PSPC1: variants seen among roughly 807,000 people sequenced by gnomAD.
The protein encoded by PSPC1 is paraspeckle protein 1.
Under a neutral mutation model 51.6 loss-of-function variants are expected in PSPC1, and 14 were observed. That is an observed-to-expected ratio of 0.27 (90% confidence interval 0.18 to 0.42). The LOEUF (loss-of-function observed/expected upper bound fraction) is 0.42. Ranked by LOEUF, PSPC1 falls within the 10% of genes least tolerant of loss-of-function variation. The pLI, the probability that PSPC1 is intolerant of heterozygous loss-of-function variation, is 1.00. For missense variants in PSPC1, 406 were observed against 701.1 expected, an observed-to-expected ratio of 0.58 and a Z score of 4.75; for synonymous variants, 193 against 231.9, an observed-to-expected ratio of 0.83 and a Z score of 1.53.
chr13:19,736,746 T>C (rs777249288), intron 5 of PSPC1, among the ~76,000 whole-genome samples: 2 of 152,142 alleles, frequency 1.3e-5, no homozygotes, highest in African/African-American at 4.8e-5. Flanking sequence ...TCTCAGCCTA[T>C]GATTAAATCA....
chr13:19,730,953 A>AAC (rs1402807104), intron 5 of PSPC1, among the ~76,000 whole-genome samples: 5 of 36,928 alleles, frequency 1.4e-4, no homozygotes, highest in South Asian at 1.1e-3. Flanking sequence ...TCAGAAAAAA[A>AAC]AAACAAAAAA....
chr13:19,699,688 A>AGCCT (rs1418252727), downstream of PSPC1, among the ~76,000 whole-genome samples: 1 of 83,692 alleles, frequency 1.2e-5, no homozygotes, highest in Non-Finnish European at 3.3e-5. Flanking sequence ...AGTAACATCA[A>AGCCT]GCCTGCTACT....
At chr13:19,772,192 G>A in intron 2 of PSPC1, 50 bp downstream of exon 2, 1 of 1,549,644 alleles carries the variant, frequency 6.5e-7, no homozygotes, top group South Asian at 1.2e-5. Flanking sequence ...AAAACAGAGA[G>A]AAGCCCATAT....
At chr13:19,680,285 G>C (rs1056694082) in intron 6 of PSPC1, among the ~76,000 whole-genome samples, 2 of 152,196 alleles carry the variant, frequency 1.3e-5, no homozygotes, top group African/African-American at 4.8e-5. Flanking sequence ...AAAGTGCTGG[G>C]ATTATAGGTG....
At chr13:19,673,195 G>C, downstream of PSPC1, 1 of 441,592 alleles carries the variant, frequency 2.3e-6, no homozygotes, top group Non-Finnish European at 4.5e-6. Flanking sequence ...TGTCAGCTGT[G>C]TGGGAGCCAC....
At chr13:19,711,518 G>A (rs1173898725) in intron 6 of PSPC1, among the ~76,000 whole-genome samples, 2 of 151,304 alleles carry the variant, frequency 1.3e-5, no homozygotes, top group African/African-American at 4.9e-5. Context: ...GGCGCCCGTA[G>A]TCCCAACTAT....
chr13:19,755,347 T>C (rs1477735042), intron 3 of PSPC1, among the ~76,000 whole-genome samples: 18 of 152,120 alleles, frequency 1.2e-4, no homozygotes, highest in Admixed American at 1.2e-3. Context: ...CCCAGCACTT[T>C]GGGAGGCTGA....
At chr13:19,751,133 A>C (rs1886507623) in intron 4 of PSPC1, 138 bp downstream of exon 4, 1 of 614,006 alleles carries the variant, frequency 1.6e-6, no homozygotes, top group South Asian at 5.8e-5. Context: ...GAAAAGGGAG[A>C]TTTTCACACC....
chr13:19,702,209 G>A (rs1189336525), downstream of PSPC1, among the ~76,000 whole-genome samples: 1 of 152,148 alleles, frequency 6.6e-6, no homozygotes, highest in Admixed American at 6.6e-5. Flanking sequence ...CGTTTTACTG[G>A]AGAAATGTCC....
chr13:19,771,593 G>A (rs901883538), intron 2 of PSPC1, among the ~76,000 whole-genome samples: 25 of 151,788 alleles, frequency 1.6e-4, no homozygotes, highest in Non-Finnish European at 2.2e-4. Context: ...GTGTCACCAC[G>A]CCCAATTAAT....
intron 5 of PSPC1, 82 bp downstream of exon 5, chr13:19,741,483 C>T: frequency 9.9e-7 from 1 of 1,005,252 alleles, no homozygotes; most frequent in South Asian, 1.6e-5. Context: ...TGATACTCAA[C>T]TTATACAACT....
intron 6 of PSPC1, among the ~76,000 whole-genome samples, chr13:19,715,971 G>A (rs1256966120): frequency 6.6e-6 from 1 of 151,874 alleles, no homozygotes; most frequent in East Asian, 1.9e-4. Context: ...CCAAGATCAC[G>A]CCACTGCACT....
intron 1 of PSPC1, among the ~76,000 whole-genome samples, chr13:19,779,927 G>A (rs1474078853): frequency 4.8e-4 from 54 of 113,370 alleles, no homozygotes; most frequent in African/African-American, 1.4e-3. Context: ...TCGGCCCCCC[G>A]CCCGGCCAGC....
intron 2 of PSPC1, among the ~76,000 whole-genome samples, chr13:19,769,601 G>A (rs944101641): frequency 6.6e-6 from 1 of 151,228 alleles, no homozygotes; most frequent in Non-Finnish European, 1.5e-5. Context: ...TGGGCATGGT[G>A]GCGCATGCCT....
Position 19,730,391 on chromosome 13 carries a change from G to T in PSPC1, c.1053-47C>A, listed in dbSNP as rs374894738. Reference sequence around the variant, plus strand: ...ATTTCAGCATCATAACATGTGGGCTGCCATTGGACATTTTACTTCATGTAA... The same window carrying T: ...ATTTCAGCATCATAACATGTGGGCTTCCATTGGACATTTTACTTCATGTAA... On this transcript the variant is annotated intron_variant, in intron 5 of 8. Transcript: ENST00000338910. 7.6e-5 allele frequency: 115 copies of T among 1,504,642 alleles called. No homozygotes were observed. In the African/African-American group the frequency reaches 1.0e-3, roughly 13 times the overall value. 93.2% of individuals were successfully genotyped at this position (1,504,642 alleles called of 1,614,324 possible). A position where few individuals can be genotyped will look rare whatever the true frequency, so the allele number is the denominator to read the frequency against.
chr13:19,720,479 G>A (rs1882632457), intron 6 of PSPC1, among the ~76,000 whole-genome samples: 2 of 152,018 alleles, frequency 1.3e-5, no homozygotes, highest in African/African-American at 4.8e-5. Context: ...TGTGATAGTC[G>A]GCATTAGATA....
intron 6 of PSPC1, among the ~76,000 whole-genome samples, chr13:19,725,337 T>C (rs540399087): frequency 6.6e-6 from 1 of 152,332 alleles, no homozygotes; most frequent in East Asian, 1.9e-4. Flanking sequence ...ATCTGGAATA[T>C]GAGGTACTGT....
chr13:19,685,421 T>A (rs1443893293), intron 6 of PSPC1, among the ~76,000 whole-genome samples: 8 of 152,224 alleles, frequency 5.3e-5, no homozygotes. Context: ...CTATTTTGAT[T>A]CGGCTAATAA....
chr13:19,691,431 G>GA (rs1282593220), intron 6 of PSPC1, among the ~76,000 whole-genome samples: 1 of 152,062 alleles, frequency 6.6e-6, no homozygotes, highest in Admixed American at 6.5e-5. Context: ...ACTGAGGTGG[G>GA]ATGATCACTT....
Sources: gnomAD v4.1 joint callset for allele counts (sites outside exome capture counted in the v4.1 genomes callset) on GRCh38, gnomAD v4.1.1 for gene constraint, MANE v1.5 for transcripts, NCBI Gene and HGNC (gene_info 2026-07-23, HGNC 2026-07-21) for gene names.